The following LRRFIP2 variants were observed in gnomAD, a reference collection of about 807,000 sequenced individuals.
LRRFIP2 encodes the protein LRR binding FLII interacting protein 2.
LRRFIP2 carries 109 observed loss-of-function variants against 125.9 expected under a neutral mutation model. That is an observed-to-expected ratio of 0.87 (90% CI 0.74 to 1.01). The LOEUF (loss-of-function observed/expected upper bound fraction) is 1.01, where lower values mean the gene tolerates loss of function less well. Ranked by LOEUF, LRRFIP2 falls within the 50% of genes least tolerant of loss-of-function variation. The pLI is 0.00. For missense variants in LRRFIP2, 850 were observed against 862.3 expected (o/e 0.99, Z 0.18); for synonymous variants, 291 against 293.1 (o/e 0.99, Z 0.07).
intron 4 of LRRFIP2, among the ~76,000 whole-genome samples, chr3:37,127,268 G>GA (rs2095307538): frequency 6.6e-6 from 1 of 152,124 alleles, no homozygotes; most frequent in Admixed American, 6.6e-5. Context: ...CAGAGGAAAT[G>GA]AAAAGAATTA....
intron 18 of LRRFIP2, among the ~76,000 whole-genome samples, chr3:37,085,388 G>A (rs1475689780): frequency 1.3e-5 from 2 of 151,536 alleles, no homozygotes; most frequent in Admixed American, 6.6e-5. Context: ...GGGCATGGTG[G>A]TGGGTGCCTG....
rs748960261 is a variant in LRRFIP2, at chr3:37,083,853, A to G, written c.1108-47T>C. 5 of 1,363,566 alleles carry G rather than the reference A, an allele frequency of 3.7e-6. No individual in the cohort carries two copies. The African/African-American group carries it at 7.5e-5, about 21-fold the overall frequency. The allele number at this position is 1,363,566 out of a possible 1,614,324, so 84.5% of individuals were successfully genotyped here. A position where few individuals can be genotyped will look rare whatever the true frequency, so the allele number is the denominator to read the frequency against. On this transcript the variant is annotated intron_variant, in intron 18 of 27. Transcript: ENST00000336686. ...AGTCTGATATCTAAAATGTTAATTG[A>G]ATACATGCAATATAACAGGAAATTA...
chr3:37,059,559 C>T (rs537125904), intron 24 of LRRFIP2, among the ~76,000 whole-genome samples: 2 of 152,148 alleles, frequency 1.3e-5, no homozygotes, highest in South Asian at 2.1e-4. Flanking sequence ...GAAGCTGAGG[C>T]GGGCGGATCA....
chr3:37,158,171 G>A (rs2096248906), intron 1 of LRRFIP2, among the ~76,000 whole-genome samples: 1 of 152,194 alleles, frequency 6.6e-6, no homozygotes, highest in African/African-American at 2.4e-5. Flanking sequence ...TTTCTGAGAA[G>A]CAAACCACTT....
At chr3:37,128,207 A>G (rs2095336593) in intron 3 of LRRFIP2, among the ~76,000 whole-genome samples, 1 of 152,236 alleles carries the variant, frequency 6.6e-6, no homozygotes, top group Non-Finnish European at 1.5e-5. Flanking sequence ...TGACAATATA[A>G]AATATTTACA....
chr3:37,093,545 C>T (rs1055213176), intron 17 of LRRFIP2, among the ~76,000 whole-genome samples: 3 of 152,194 alleles, frequency 2.0e-5, no homozygotes, highest in African/African-American at 7.2e-5. Context: ...GCAAGTTTCT[C>T]ATATTTTCTC....
intron 1 of LRRFIP2, among the ~76,000 whole-genome samples, chr3:37,154,970 T>C (rs969260462): frequency 1.3e-5 from 2 of 152,236 alleles, no homozygotes; most frequent in African/African-American, 4.8e-5. Flanking sequence ...CAGTGAACGC[T>C]AGTCTGCACA....
chr3:37,139,809 C>CA (rs1427628205), intron 2 of LRRFIP2, among the ~76,000 whole-genome samples: 1 of 152,210 alleles, frequency 6.6e-6, no homozygotes, highest in African/African-American at 2.4e-5. Context: ...AAAAGGCAAG[C>CA]AAAAAATCTC....
intron 2 of LRRFIP2, among the ~76,000 whole-genome samples, chr3:37,146,022 G>C (rs4678940): frequency 6.6e-6 from 1 of 152,104 alleles, no homozygotes; most frequent in South Asian, 2.1e-4. Flanking sequence ...GCAAGTGCTG[G>C]ATGTTAGAAT....
At chr3:37,171,179 T>C (rs1203435790) in intron 1 of LRRFIP2, 2 of 152,270 alleles carry the variant, frequency 1.3e-5, no homozygotes, top group East Asian at 3.9e-4. Context: ...TCCTCGGATA[T>C]ACGGGCTAAG....
intron 2 of LRRFIP2, chr3:37,140,448 AT>A (rs1329015701): frequency 6.6e-6 from 1 of 152,158 alleles, no homozygotes; most frequent in Non-Finnish European, 1.5e-5. Flanking sequence ...TCATGTATTT[AT>A]TTATTGAGGC....
intron 2 of LRRFIP2, among the ~76,000 whole-genome samples, chr3:37,136,365 A>G (rs761512219): frequency 5.3e-5 from 8 of 152,210 alleles, no homozygotes; most frequent in Non-Finnish European, 1.0e-4. Flanking sequence ...GGTAGGTGAC[A>G]GTTGCACATC....
chr3:37,070,114 CTTTTTTTTT>C (rs528717261), intron 21 of LRRFIP2, among the ~76,000 whole-genome samples: 1 of 136,958 alleles, frequency 7.3e-6, no homozygotes, highest in Non-Finnish European at 1.6e-5. Flanking sequence ...TAAATTTCCT[CTTTTTTTTT>C]TTTTTTTTGA....
intron 18 of LRRFIP2, among the ~76,000 whole-genome samples, chr3:37,086,945 C>T (rs550602271): frequency 1.3e-4 from 20 of 151,818 alleles, no homozygotes; most frequent in African/African-American, 4.6e-4. Flanking sequence ...ACTGCAGCTT[C>T]GACCTCCCCA....
chr3:37,168,590 G>C (rs1360253530), intron 1 of LRRFIP2, among the ~76,000 whole-genome samples: 1 of 152,180 alleles, frequency 6.6e-6, no homozygotes, highest in African/African-American at 2.4e-5. Flanking sequence ...GATGGATAGA[G>C]GTGATAGTTA....
chr3:37,157,645 A>C (rs1175748763), intron 1 of LRRFIP2, among the ~76,000 whole-genome samples: 2 of 152,194 alleles, frequency 1.3e-5, no homozygotes, highest in Non-Finnish European at 2.9e-5. Flanking sequence ...AAAATGAATA[A>C]ATCATTAGCA....
chr3:37,093,292 C>T (rs567436852), intron 17 of LRRFIP2: 1 of 152,976 alleles, frequency 6.5e-6, no homozygotes, highest in East Asian at 1.9e-4. Context: ...GAAGAGGGGA[C>T]CTCCAGTCCA....
chr3:37,111,503 G>A (rs1276595111), intron 8 of LRRFIP2, among the ~76,000 whole-genome samples: 3 of 152,170 alleles, frequency 2.0e-5, no homozygotes, highest in Non-Finnish European at 2.9e-5. Context: ...CAAAATGAAA[G>A]AGAGAGTACG....
At position 37,091,503 on chromosome 3, in the gene LRRFIP2, T is replaced by C. The variant is rs911295177; in HGVS notation, c.1071A>G (p.Val357=). The change falls in exon 18 of 28, where the codon GTA becomes GTG. Residue 357 remains valine (V), a synonymous_variant. Coordinates refer to ENST00000336686, the MANE Select transcript of LRRFIP2 (RefSeq NM_006309.4). ...TAAGCCCCTGCATGTATCTCCCTTC[T>C]ACATCCTGTATCTGGTCCTTAAGGT... ...IYDLKDQIQD[V]EGRYMQGLKE... is the part of the protein sequence containing the mutation. 6.2e-7 allele frequency: 1 copy of C among 1,612,366 alleles called. No homozygotes were observed. The highest frequency in any genetic ancestry group is 8.5e-7 in the Non-Finnish European group (1 of 1,179,252).
Sources: gnomAD v4.1 joint callset for allele counts (sites outside exome capture counted in the v4.1 genomes callset) on GRCh38, gnomAD v4.1.1 for gene constraint, MANE v1.5 for transcripts, NCBI Gene and HGNC (gene_info 2026-07-23, HGNC 2026-07-21) for gene names.